The following TXNDC8 variants were observed in gnomAD, a reference collection of about 807,000 sequenced individuals.
TXNDC8 encodes thioredoxin domain-containing protein 8.
A neutral mutation model predicts 12.9 loss-of-function variants in TXNDC8; 15 were observed. The observed-to-expected ratio is 1.16, with a 90% confidence interval of 0.78 to 1.79. TXNDC8 has a LOEUF of 1.79. Among genes scored for constraint, TXNDC8 ranks in the 40% most tolerant of loss-of-function variants. The pLI, the probability that TXNDC8 is intolerant of heterozygous loss-of-function variation, is 0.00. For missense variants in TXNDC8, 128 were observed against 113.2 expected (o/e 1.13, Z -0.59); for synonymous variants, 40 against 35.4 (o/e 1.13, Z -0.46).
chr9:110,323,341 G>A (rs1184006108), intron 3 of TXNDC8: 3 of 985,400 alleles, frequency 3.0e-6, no homozygotes, highest in Non-Finnish European at 3.6e-6. Context: ...AGGGAGGGAT[G>A]AGAGATAAAG....
At chr9:110,303,436 A>G (rs2118670567), downstream of TXNDC8, 1 of 1,421,704 alleles carries the variant, frequency 7.0e-7, no homozygotes, top group Middle Eastern at 1.9e-4. Flanking sequence ...GTGGAACACT[A>G]CAGTATTTGC....
At chr9:110,310,202 T>TGC (rs1414412280) in intron 3 of TXNDC8, among the ~76,000 whole-genome samples, 4 of 43,028 alleles carry the variant, frequency 9.3e-5, no homozygotes, top group African/African-American at 2.8e-4. Flanking sequence ...TTGTGTGTGG[T>TGC]GTGTGTGTGT....
intron 3 of TXNDC8, among the ~76,000 whole-genome samples, chr9:110,306,029 GTTAA>G (rs1379274164): frequency 6.6e-6 from 1 of 151,702 alleles, no homozygotes; most frequent in East Asian, 1.9e-4. Context: ...ACCACTCCTG[GTTAA>G]TTTTTAAAAT....
intron 2 of TXNDC8, among the ~76,000 whole-genome samples, chr9:110,331,906 T>C (rs1044343123): frequency 6.6e-6 from 1 of 152,114 alleles, no homozygotes; most frequent in African/African-American, 2.4e-5. Context: ...TACTGATCCA[T>C]GGCTTGGGGG....
intron 3 of TXNDC8, among the ~76,000 whole-genome samples, chr9:110,310,529 T>C (rs7857871): frequency 0.037 from 5,590 of 152,280 alleles, 324 homozygotes; most frequent in African/African-American, 0.13. Context: ...TATGTATTTA[T>C]GTGTTATGTT....
chr9:110,314,668 G>C (rs1474942508), intron 3 of TXNDC8, among the ~76,000 whole-genome samples: 1 of 151,976 alleles, frequency 6.6e-6, no homozygotes, highest in East Asian at 1.9e-4. Flanking sequence ...TCCTGACCTC[G>C]TGATCCGCCC....
At chr9:110,311,159 G>A (rs1838648589) in intron 3 of TXNDC8, among the ~76,000 whole-genome samples, 1 of 152,096 alleles carries the variant, frequency 6.6e-6, no homozygotes, top group South Asian at 2.1e-4. Context: ...CACTGTCTCA[G>A]TAATAATTTT....
intron 3 of TXNDC8, among the ~76,000 whole-genome samples, chr9:110,307,273 C>G (rs1383348712): frequency 3.3e-5 from 5 of 152,088 alleles, no homozygotes; most frequent in Non-Finnish European, 5.9e-5. Context: ...AGTATCTAAT[C>G]TAGTACCTTA....
chr9:110,323,715 G>C, intron 3 of TXNDC8: 1 of 823,040 alleles, frequency 1.2e-6, no homozygotes, highest in Non-Finnish European at 1.8e-6. Flanking sequence ...GGCATGGATA[G>C]ATTCAGGGTG....
chr9:110,333,904 G>T (rs1839640122), intron 2 of TXNDC8, among the ~76,000 whole-genome samples: 1 of 152,146 alleles, frequency 6.6e-6, no homozygotes, highest in Admixed American at 6.5e-5. Context: ...TGAAAGTTCT[G>T]AACTCTTGAA....
rs1338597192 is a variant in TXNDC8, at chr9:110,311,537, A to ATCTCCATAC, written c.196-7006_196-7005insGTATGGAGA. Among the ~76,000 whole-genome samples the ATCTCCATAC allele has an allele frequency of 6.8e-3, 800 of 117,434 alleles. 9 individuals are homozygous for ATCTCCATAC. Among genetic ancestry groups the ATCTCCATAC allele is most frequent in the African/African-American group, 0.032 (765 of 23,556 alleles). The allele number at this position is 117,434 out of a possible 152,430, so 77.0% of individuals were successfully genotyped here. ...AATAAAGAGGTATATATATATATATATATATATATATATATATATATCTCC... is the reference window on the plus strand; with the variant it reads ...AATAAAGAGGTATATATATATATATATCTCCATACTATATATATATATATATATATCTCC... On this transcript the variant is annotated intron_variant, in intron 3 of 4. Coordinates refer to ENST00000423740, the MANE Select transcript of TXNDC8 (RefSeq NM_001286946.2).
intron 3 of TXNDC8, among the ~76,000 whole-genome samples, chr9:110,308,204 C>T (rs568502322): frequency 6.6e-5 from 10 of 152,200 alleles, no homozygotes; most frequent in Non-Finnish European, 1.2e-4. Context: ...TTTTGCTGTA[C>T]AACTCCCTTT....
intron 2 of TXNDC8, among the ~76,000 whole-genome samples, chr9:110,332,175 A>G (rs1209055650): frequency 6.6e-6 from 1 of 152,176 alleles, no homozygotes; most frequent in Non-Finnish European, 1.5e-5. Flanking sequence ...GAGTGTCAGC[A>G]TGGTAGGACC....
chr9:110,319,985 T>C (rs1238137034), intron 3 of TXNDC8, among the ~76,000 whole-genome samples: 1 of 152,230 alleles, frequency 6.6e-6, no homozygotes, highest in Non-Finnish European at 1.5e-5. Context: ...CCTGAATTAT[T>C]CATTTGTGAC....
At chr9:110,303,003 T>G (rs13294400), downstream of TXNDC8, among the ~76,000 whole-genome samples, 27,161 of 151,832 alleles carry the variant, frequency 0.18, 3,072 homozygotes, top group East Asian at 0.44. Flanking sequence ...GGCAGAGGTT[T>G]CAGTGAGCCG....
At chr9:110,310,713 A>G (rs554925378) in intron 3 of TXNDC8, among the ~76,000 whole-genome samples, 50 of 152,224 alleles carry the variant, frequency 3.3e-4, no homozygotes, top group Non-Finnish European at 2.8e-4. Flanking sequence ...CTTTAAAATT[A>G]TTGGAAGCGT....
At chr9:110,309,835 C>G (rs1838598095) in intron 3 of TXNDC8, among the ~76,000 whole-genome samples, 1 of 151,796 alleles carries the variant, frequency 6.6e-6, no homozygotes, top group Non-Finnish European at 1.5e-5. Flanking sequence ...TAGGCCACGG[C>G]TCAGTTCCTT....
At chr9:110,322,812 T>A in intron 3 of TXNDC8, 2 of 985,354 alleles carry the variant, frequency 2.0e-6, no homozygotes, top group Non-Finnish European at 2.4e-6. Context: ...AACAGAAGCA[T>A]TCATTCATTC....
In TXNDC8 at chr9:110,306,921, C is replaced by G. The variant is rs60157736; in HGVS notation, c.196-2389G>C. Among the ~76,000 whole-genome samples the G allele has an allele frequency of 4.5e-3, 679 of 151,818 alleles. 1 individual carries two copies. Among genetic ancestry groups the G allele is most frequent in the Non-Finnish European group, 7.5e-3 (507 of 67,908 alleles). On this transcript the variant is annotated intron_variant, in intron 3 of 4. Transcript: ENST00000423740. ...CTACACCAAGGATGAAGACTATACC[C>G]GAAATTTTTTTCCATATATTATTTA...
Sources: allele counts gnomAD v4.1 joint callset (sites outside exome capture counted in the v4.1 genomes callset), GRCh38; gene constraint gnomAD v4.1.1; transcripts MANE v1.5; gene names NCBI Gene and HGNC (gene_info 2026-07-23, HGNC 2026-07-21).